Variants in FBXL3 observed in about 807,000 individuals in gnomAD.
FBXL3 encodes the protein F-box and leucine rich repeat protein 3, also known as F-box/LRR-repeat protein 3.
In FBXL3, 14 loss-of-function variants were observed where a neutral mutation model predicts 37.9. That is an observed-to-expected ratio of 0.37 (90% confidence interval 0.24 to 0.58). The LOEUF is 0.58. Among genes scored for constraint, FBXL3 ranks in the 20% least tolerant of loss-of-function variants. FBXL3 has a pLI of 0.74. For synonymous variants in FBXL3, 194 were observed against 180.1 expected, an observed-to-expected ratio of 1.08 and a Z score of -0.62; for missense variants, 327 against 511.1, an observed-to-expected ratio of 0.64 and a Z score of 3.47.
At chr13:77,023,858 G>C (rs2034792080) in intron 1 of FBXL3, among the ~76,000 whole-genome samples, 1 of 152,224 alleles carries the variant, frequency 6.6e-6, no homozygotes, top group Admixed American at 6.5e-5. Context: ...CAAAACTTGT[G>C]AAAGAGGATT....
At chr13:77,010,357 C>T (rs868674163) in intron 4 of FBXL3, 5 of 151,454 alleles carry the variant, frequency 3.3e-5, no homozygotes, top group African/African-American at 4.8e-5. Flanking sequence ...TTGTGGCAGG[C>T]GTAATTCTCA....
intron 1 of FBXL3, among the ~76,000 whole-genome samples, chr13:77,024,710 A>C (rs988391708): frequency 2.6e-5 from 4 of 152,310 alleles, no homozygotes; most frequent in African/African-American, 9.6e-5. Flanking sequence ...TGCAACACTA[A>C]GGGACAGTAT....
chr13:77,006,081 AAT>A lies in FBXL3; in HGVS notation c.*1062_*1063del, dbSNP rs1302560528. On this transcript the variant is annotated 3_prime_UTR_variant, in exon 5 of 5. Transcript: ENST00000355619. The stretch of plus-strand genomic sequence containing the variant: ...ACTGAAAAATATGATTATGAACTTA[AAT>A]ATGTCCTCTTTAAAATTTGCTGTTT... The A allele has an allele frequency of 8.5e-5, 13 of 152,580 alleles. No homozygotes were observed. Among genetic ancestry groups the A allele is most frequent in the Admixed American group, 6.5e-4 (10 of 15,274 alleles). 9.5% of individuals were successfully genotyped at this position (152,580 alleles called of 1,614,324 possible). A position where few individuals can be genotyped will look rare whatever the true frequency, so the allele number is the denominator to read the frequency against.
intron 1 of FBXL3, among the ~76,000 whole-genome samples, chr13:77,022,547 T>A (rs939917626): frequency 1.3e-5 from 2 of 152,210 alleles, no homozygotes; most frequent in African/African-American, 4.8e-5. Flanking sequence ...TGGAACAGTT[T>A]CTTCCTGAAA....
In FBXL3 at chr13:77,023,333, G is replaced by GGAGA. The variant is rs576180258; in HGVS notation, c.-1-1476_-1-1473dup. 2.2e-4 allele frequency among the ~76,000 whole-genome samples: 33 copies of GGAGA among 147,582 alleles called. 1 individual carries two copies. Among genetic ancestry groups the GGAGA allele is most frequent in the Middle Eastern group, 3.4e-3 (1 of 294 alleles). On this transcript the variant is annotated intron_variant, in intron 1 of 4. Coordinates refer to ENST00000355619, the MANE Select transcript of FBXL3 (RefSeq NM_012158.4). ...CCCGACTCTATTTTTGCTTTAAAATGGAGAGAGAGAGAGTGTGTGTGTGTG... is the reference window on the plus strand; with the variant it reads ...CCCGACTCTATTTTTGCTTTAAAATGGAGAGAGAGAGAGAGAGTGTGTGTGTGTG...
At chr13:77,023,598 G>A (rs751190251) in intron 1 of FBXL3, among the ~76,000 whole-genome samples, 7 of 152,146 alleles carry the variant, frequency 4.6e-5, no homozygotes, top group Non-Finnish European at 5.9e-5. Flanking sequence ...CTAAATGGCT[G>A]CAGACCACTC....
chr13:77,006,893 A>G lies in FBXL3; in HGVS notation c.*252T>C. 7.6e-7 allele frequency: 1 copy of G among 1,309,498 alleles called. No homozygotes were observed. Among genetic ancestry groups the G allele is most frequent in the Non-Finnish European group, 9.7e-7 (1 of 1,028,838 alleles). The allele number at this position is 1,309,498 out of a possible 1,614,324, so 81.1% of individuals were successfully genotyped here. A position where few individuals can be genotyped will look rare whatever the true frequency, so the allele number is the denominator to read the frequency against. ...GACTGTAAACTGTTTAATACGTATA[A>G]CTGGTTATTTCACATCCGAACCACA... On this transcript the variant is annotated 3_prime_UTR_variant, in exon 5 of 5. Coordinates refer to ENST00000355619, the MANE Select transcript of FBXL3 (RefSeq NM_012158.4).
At chr13:77,008,495 CA>C (rs2034491159) in intron 4 of FBXL3, 1 of 152,156 alleles carries the variant, frequency 6.6e-6, no homozygotes, top group Non-Finnish European at 1.5e-5. Context: ...TATAACTTAC[CA>C]AAACTATCAT....
chr13:77,018,747 CATGA>C lies in FBXL3; in HGVS notation c.349-29_349-26del. On this transcript the variant is annotated intron_variant, in intron 2 of 4. Coordinates refer to ENST00000355619, the MANE Select transcript of FBXL3 (RefSeq NM_012158.4). Reference sequence around the variant, plus strand: ...CCTTAGAAAAGAAACACCGTTTACTCATGAATATTTTATTATTTTTTTACTTTTT... The same window carrying C: ...CCTTAGAAAAGAAACACCGTTTACTCATATTTTATTATTTTTTTACTTTTT... 9 of 1,507,540 alleles carry C rather than the reference CATGA, an allele frequency of 6.0e-6. No homozygotes were observed. In the East Asian group the frequency reaches 9.4e-5, roughly 16 times the overall value. 93.4% of individuals were successfully genotyped at this position (1,507,540 alleles called of 1,614,324 possible). A position where few individuals can be genotyped will look rare whatever the true frequency, so the allele number is the denominator to read the frequency against.
At chr13:77,012,235 AAT>A (rs1315170897) in intron 4 of FBXL3, among the ~76,000 whole-genome samples, 1 of 152,232 alleles carries the variant, frequency 6.6e-6, no homozygotes, top group Non-Finnish European at 1.5e-5. Context: ...TTTAAATGAG[AAT>A]TGTGAATTAT....
chr13:77,024,043 G>A (rs941789842), intron 1 of FBXL3, among the ~76,000 whole-genome samples: 1 of 152,182 alleles, frequency 6.6e-6, no homozygotes, highest in African/African-American at 2.4e-5. Flanking sequence ...GAGAACAAGA[G>A]AGAAAATAGA....
Position 77,021,686 on chromosome 13 carries a change from C to T in FBXL3, c.175G>A (p.Ala59Thr). The part of the protein sequence containing the change: ...KYLPLLDRAH[A>T]SQVCRNWNQV... ...TTCCAGTTGCGGCAAACTTGTGAAG[C>T]ATGAGCCCGGTCAAGAAGAGGCAAA... Residue 59 changes from alanine to threonine, a missense_variant, in exon 2 of 5, where the codon GCT (alanine) becomes ACT (threonine). Physicochemically the swap from Ala to Thr is moderately conservative, Grantham distance 58 (BLOSUM62 0). Coordinates refer to ENST00000355619, the MANE Select transcript of FBXL3 (RefSeq NM_012158.4). The T allele has an allele frequency of 6.2e-7, 1 of 1,614,068 alleles. No individual in the cohort carries two copies. Among genetic ancestry groups the T allele is most frequent in the Non-Finnish European group, 8.5e-7 (1 of 1,180,008 alleles).
chr13:77,010,025 T>G (rs1234104922), intron 4 of FBXL3: 1 of 152,248 alleles, frequency 6.6e-6, no homozygotes, highest in Non-Finnish European at 1.5e-5. Context: ...ACACCGCATG[T>G]TCTCACTCAT....
chr13:77,015,762 A>T (rs1429578282), intron 3 of FBXL3, 182 bp from the exon 4 acceptor site: 1 of 379,504 alleles, frequency 2.6e-6, no homozygotes, highest in African/African-American at 2.1e-5. Flanking sequence ...ACTATCTGTC[A>T]TCTTTGAGAA....
intron 4 of FBXL3, 116 bp downstream of exon 4, chr13:77,015,293 T>C (rs1363578786): frequency 1.4e-5 from 9 of 646,486 alleles, no homozygotes; most frequent in Non-Finnish European, 7.1e-6. Context: ...AAAAATATTT[T>C]AAAGAGATGA....
At chr13:77,017,666 T>G (rs1312953834) in intron 3 of FBXL3, 1 of 152,158 alleles carries the variant, frequency 6.6e-6, no homozygotes, top group African/African-American at 2.4e-5. Context: ...CCTGCCCATT[T>G]CCCTTATTTT....
intron 1 of FBXL3, among the ~76,000 whole-genome samples, chr13:77,023,340 G>GTCT (rs1273867628): frequency 7.0e-6 from 1 of 143,676 alleles, no homozygotes; most frequent in East Asian, 2.0e-4. Flanking sequence ...AATGGAGAGA[G>GTCT]AGAGAGTGTG....
chr13:77,026,095 A>G (rs1438590571), intron 1 of FBXL3: 1 of 776,286 alleles, frequency 1.3e-6, no homozygotes, highest in Non-Finnish European at 1.6e-6. Flanking sequence ...TTAGAAAAGG[A>G]GGATTCTAAT....
At chr13:77,011,197 G>A (rs191208904) in intron 4 of FBXL3, among the ~76,000 whole-genome samples, 15 of 151,874 alleles carry the variant, frequency 9.9e-5, no homozygotes, top group South Asian at 2.1e-4. Context: ...AAAATTAGCC[G>A]GATGTGGTGG....
Sources: allele counts gnomAD v4.1 joint callset (sites outside exome capture counted in the v4.1 genomes callset), GRCh38; gene constraint gnomAD v4.1.1; transcripts MANE v1.5; gene names NCBI Gene and HGNC (gene_info 2026-07-23, HGNC 2026-07-21).